The following BFSP2 variants were observed in gnomAD, a reference collection of about 807,000 sequenced individuals.
The protein encoded by BFSP2 is phakinin.
A neutral mutation model predicts 44.9 loss-of-function variants in BFSP2; 38 were observed. That is an observed-to-expected ratio of 0.85 (90% CI 0.65 to 1.11). The LOEUF (loss-of-function observed/expected upper bound fraction) is 1.11. Among genes scored for constraint, BFSP2 ranks in the 50% least tolerant of loss-of-function variants. The probability of loss-of-function intolerance (pLI) is 0.00; values close to 1 mark genes in which losing one functional copy is unlikely to be tolerated. For missense variants in BFSP2, 525 were observed against 533.0 expected (o/e 0.99, Z 0.15); for synonymous variants, 197 against 209.9 (o/e 0.94, Z 0.53).
At chr3:133,402,178 C>T (rs1288636932) in intron 1 of BFSP2, among the ~76,000 whole-genome samples, 1 of 152,160 alleles carries the variant, frequency 6.6e-6, no homozygotes, top group African/African-American at 2.4e-5. Context: ...AATCAGATGC[C>T]ACACAGACTT....
chr3:133,435,755 T>A (rs114275060), intron 1 of BFSP2, among the ~76,000 whole-genome samples: 1 of 152,344 alleles, frequency 6.6e-6, no homozygotes, highest in Non-Finnish European at 1.5e-5. Flanking sequence ...GCAAATTGTC[T>A]GCTGCTATGG....
At chr3:133,469,096 A>G (rs1485040975) in intron 5 of BFSP2, among the ~76,000 whole-genome samples, 1 of 152,190 alleles carries the variant, frequency 6.6e-6, no homozygotes, top group Non-Finnish European at 1.5e-5. Context: ...GGGGAAAAAA[A>G]TGGAAAAATA....
rs116913054 is a variant in BFSP2 at position 133,467,664 on chromosome 3, C to T, written c.1023+705C>T. On this transcript the variant is annotated intron_variant, in intron 5 of 6. Coordinates refer to ENST00000302334, the MANE Select transcript of BFSP2 (RefSeq NM_003571.4). ...ATAATAAAATGTATTAATAATGAAG[C>T]AATCCACCCTCTGATCTCTGGAATG... 2.7e-3 allele frequency among the ~76,000 whole-genome samples: 411 copies of T among 152,182 alleles called. 14 individuals are homozygous for T. In the East Asian group the frequency reaches 0.069, roughly 26 times the overall value.
Position 133,425,787 on chromosome 3 carries a change from A to AAGGGAAAG in BFSP2, c.490-21530_490-21529insAGGGAAAG, listed in dbSNP as rs372528952. 5.3e-3 allele frequency among the ~76,000 whole-genome samples: 679 copies of AAGGGAAAG among 127,490 alleles called. 6 individuals carry two copies. The highest frequency in any genetic ancestry group is 6.1e-3 in the Non-Finnish European group (396 of 65,322). The allele number at this position is 127,490 out of a possible 152,430, so 83.6% of individuals were successfully genotyped here. A position where few individuals can be genotyped will look rare whatever the true frequency, so the allele number is the denominator to read the frequency against. ...GATGGGAAAGGGAAAGGGAAAGGGA[A>AAGGGAAAG]GGGAAGGGAAGGGAAGAAGGGAAGG... On this transcript the variant is annotated intron_variant, in intron 1 of 6. Transcript: ENST00000302334.
chr3:133,430,276 C>T (rs1339134448), intron 1 of BFSP2, among the ~76,000 whole-genome samples: 46 of 151,674 alleles, frequency 3.0e-4, no homozygotes, highest in South Asian at 1.0e-3. Context: ...TACCCAGTAA[C>T]GGGATGGCTG....
At chr3:133,448,156 T>C (rs1327195132) in intron 2 of BFSP2, among the ~76,000 whole-genome samples, 3 of 152,180 alleles carry the variant, frequency 2.0e-5, no homozygotes, top group African/African-American at 7.2e-5. Flanking sequence ...GGATCCTTGG[T>C]TGAAAAGGAG....
At chr3:133,415,093 T>A (rs1303591174) in intron 1 of BFSP2, among the ~76,000 whole-genome samples, 1 of 111,698 alleles carries the variant, frequency 9.0e-6, no homozygotes, top group African/African-American at 3.6e-5. Flanking sequence ...TCCTCTCCCC[T>A]CTACTCAGCC....
intron 4 of BFSP2, among the ~76,000 whole-genome samples, chr3:133,461,553 C>A (rs1017212542): frequency 4.6e-5 from 7 of 152,150 alleles, no homozygotes. Flanking sequence ...CACCTACTCT[C>A]TGGTCTATGA....
chr3:133,457,784 C>T (rs1327874714), intron 4 of BFSP2, among the ~76,000 whole-genome samples: 1 of 152,174 alleles, frequency 6.6e-6, no homozygotes, highest in African/African-American at 2.4e-5. Flanking sequence ...CAACAGAGAC[C>T]ATATGGCCTG....
rs1350649383 is a variant in BFSP2 at position 133,472,528 on chromosome 3, G to A, written c.1207G>A (p.Ala403Thr). The A allele has an allele frequency of 1.2e-6, 2 of 1,612,550 alleles. No homozygotes were observed. The highest frequency in any genetic ancestry group is 1.3e-5 in the African/African-American group (1 of 74,904). The stretch of plus-strand genomic sequence containing the variant: ...CAAGTGCCAGCTGCAGAAGGACGTG[G>A]CGTCCTACCACGCCCTGCTGGACAG... ...ARKCQLQKDVASYHALLDREE... is the reference protein window; with the variant it reads ...ARKCQLQKDVTSYHALLDREE... Residue 403 changes from alanine (A) to threonine (T), a missense_variant, in exon 6 of 7, where the codon GCG (alanine) becomes ACG (threonine). Ala to Thr is a moderately conservative substitution (Grantham distance 58). Transcript: ENST00000302334.
intron 1 of BFSP2, among the ~76,000 whole-genome samples, chr3:133,405,952 A>C (rs961208263): frequency 1.3e-5 from 2 of 151,996 alleles, no homozygotes; most frequent in South Asian, 2.1e-4. Context: ...AAGCCTCTTT[A>C]TTTATTTTTA....
intron 1 of BFSP2, among the ~76,000 whole-genome samples, chr3:133,441,836 ACTAAC>A (rs1415767547): frequency 3.9e-5 from 6 of 152,220 alleles, no homozygotes; most frequent in African/African-American, 1.4e-4. Flanking sequence ...TTTAAAGAAA[ACTAAC>A]AAAGCAGAAA....
intron 1 of BFSP2, among the ~76,000 whole-genome samples, chr3:133,419,446 G>A (rs1276522786): frequency 1.3e-5 from 2 of 152,132 alleles, no homozygotes; most frequent in Non-Finnish European, 2.9e-5. Flanking sequence ...TATAAGGCCC[G>A]AGTTAGTCCT....
At chr3:133,432,602 C>T (rs898373462) in intron 1 of BFSP2, among the ~76,000 whole-genome samples, 2 of 152,180 alleles carry the variant, frequency 1.3e-5, no homozygotes, top group Admixed American at 1.3e-4. Context: ...TGTAGCCCCT[C>T]CTTTGAATCT....
At chr3:133,471,892 A>T (rs1033885985) in intron 5 of BFSP2, among the ~76,000 whole-genome samples, 2 of 152,120 alleles carry the variant, frequency 1.3e-5, no homozygotes, top group Admixed American at 6.5e-5. Flanking sequence ...CAAATGATGG[A>T]TGGGGTTTCA....
intron 1 of BFSP2, among the ~76,000 whole-genome samples, chr3:133,412,033 A>G (rs922308463): frequency 6.6e-6 from 1 of 152,234 alleles, no homozygotes; most frequent in African/African-American, 2.4e-5. Flanking sequence ...AGACGTGATC[A>G]TCGTTGTGAA....
intron 1 of BFSP2, among the ~76,000 whole-genome samples, chr3:133,411,877 TAA>T (rs2073457570): frequency 6.6e-6 from 1 of 152,150 alleles, no homozygotes; most frequent in African/African-American, 2.4e-5. Flanking sequence ...ATCTATACAG[TAA>T]AAGAGACTAA....
intron 1 of BFSP2, among the ~76,000 whole-genome samples, chr3:133,424,216 T>TA (rs1559963358): frequency 8.1e-5 from 4 of 49,422 alleles, no homozygotes; most frequent in African/African-American, 7.6e-4. Flanking sequence ...CAGCTAATTT[T>TA]TTTTTTTTTT....
intron 1 of BFSP2, among the ~76,000 whole-genome samples, chr3:133,418,115 C>T (rs543175219): frequency 6.9e-6 from 1 of 145,650 alleles, no homozygotes; most frequent in African/African-American, 2.7e-5. Flanking sequence ...TGCCCTCTAC[C>T]TTCTACTCAC....
Sources: gnomAD v4.1 joint callset for allele counts (sites outside exome capture counted in the v4.1 genomes callset) on GRCh38, gnomAD v4.1.1 for gene constraint, MANE v1.5 for transcripts, NCBI Gene and HGNC (gene_info 2026-07-23, HGNC 2026-07-21) for gene names.